The following LAT2 variants were observed in gnomAD, a reference collection of about 807,000 sequenced individuals.
LAT2 encodes the protein linker for activation of T-cells family member 2.
LAT2 carries 23 observed loss-of-function variants against 43.4 expected under a neutral mutation model. The observed-to-expected ratio is 0.53, with a 90% CI of 0.38 to 0.75. LAT2 has a LOEUF of 0.75. Ranked by LOEUF, LAT2 falls within the 30% of genes least tolerant of loss-of-function variation. The pLI is 0.00. For synonymous variants in LAT2, 128 were observed against 123.2 expected (o/e 1.04, Z -0.26); for missense variants, 284 against 310.2 (o/e 0.92, Z 0.64).
chr7:74,214,330 AT>A, intron 1 of LAT2, among the ~76,000 whole-genome samples: 1 of 68,708 alleles, frequency 1.5e-5, no homozygotes, highest in Non-Finnish European at 2.6e-5. Context: ...AAATATATAT[AT>A]AAATATATAT....
In LAT2 at chr7:74,220,754, T is replaced by TCCC; in HGVS notation, c.332+24_332+26dup. 6.5e-7 allele frequency: 1 copy of TCCC among 1,528,826 alleles called. No homozygotes were observed. The allele number at this position is 1,528,826 out of a possible 1,614,324, so 94.7% of individuals were successfully genotyped here. ...CTACATGTGAGTGACCTTGATCCTG[T>TCCC]CCCCCCTGCCTCGCCTCTCCCCCTG... On this transcript the variant is annotated intron_variant, in intron 9 of 13. Coordinates refer to ENST00000460943, the MANE Select transcript of LAT2 (RefSeq NM_032464.3). The surrounding 1 kb of genome is among the most constrained non-coding windows in gnomAD (Gnocchi z 4.5).
At position 74,219,741 on chromosome 7, in the gene LAT2, C is replaced by T; in HGVS notation, c.135-3C>T. On this transcript the variant is annotated splice_polypyrimidine_tract_variant and splice_region_variant and intron_variant, in intron 4 of 13. Transcript: ENST00000460943. ...AGGCTCAGCACAGCCCATGCATTTC[C>T]AGGCGTGAGGACCAACAGAGCTTTA... is the stretch of plus-strand genomic sequence containing the variant. The T allele has an allele frequency of 2.5e-6, 4 of 1,614,118 alleles. No homozygotes were observed. The highest frequency in any genetic ancestry group is 3.4e-6 in the Non-Finnish European group (4 of 1,180,016).
At chr7:74,219,595 G>GC in intron 4 of LAT2, 149 bp from the exon 5 acceptor site, 1 of 944,064 alleles carries the variant, frequency 1.1e-6, no homozygotes, top group Admixed American at 1.7e-5. Context: ...TGAGAATGAG[G>GC]CCTGAAAGGG....
chr7:74,220,774 C>CAGCCGCAGACCTCCTCATTCTAA lies in LAT2; in HGVS notation c.332+40_332+41insAGCCGCAGACCTCCTCATTCTAA. ...TCCTGTCCCCCCTGCCTCGCCTCTC[C>CAGCCGCAGACCTCCTCATTCTAA]CCCTGCCCCACCTCTCCCCCTGCCC... On this transcript the variant is annotated intron_variant, in intron 9 of 13. Coordinates refer to ENST00000460943, the MANE Select transcript of LAT2 (RefSeq NM_032464.3). The surrounding 1 kb of genome is among the most constrained non-coding windows in gnomAD (Gnocchi z 4.5). 2 of 1,453,310 alleles carry CAGCCGCAGACCTCCTCATTCTAA rather than the reference C, an allele frequency of 1.4e-6. No individual in the cohort carries two copies. Among genetic ancestry groups the CAGCCGCAGACCTCCTCATTCTAA allele is most frequent in the Non-Finnish European group, 9.2e-7 (1 of 1,092,764 alleles). 90.0% of individuals were successfully genotyped at this position (1,453,310 alleles called of 1,614,324 possible). A position where few individuals can be genotyped will look rare whatever the true frequency, so the allele number is the denominator to read the frequency against.
Position 74,220,557 on chromosome 7 carries a change from A to G in LAT2, c.266-27A>G, listed in dbSNP as rs2023380. Reference sequence around the variant, plus strand: ...GGTGCAAAGCAGGGGCCAGGGGAGAAAGCAATTAGCTGGGTCTTTCTTCCA... The same window carrying G: ...GGTGCAAAGCAGGGGCCAGGGGAGAGAGCAATTAGCTGGGTCTTTCTTCCA... On this transcript the variant is annotated intron_variant, in intron 7 of 13. Transcript: ENST00000460943. The surrounding 1 kb of genome is among the most constrained non-coding windows in gnomAD (Gnocchi z 4.5). 6.5e-3 allele frequency: 10,557 copies of G among 1,613,766 alleles called. 543 individuals carry two copies. In the African/African-American group the frequency reaches 0.11, roughly 17 times the overall value.
At position 74,220,197 on chromosome 7, in the gene LAT2, C is replaced by T; in HGVS notation, c.228-20C>T. 1 of 1,598,444 alleles carries T rather than the reference C, an allele frequency of 6.3e-7. No individual in the cohort carries two copies. Among genetic ancestry groups the T allele is most frequent in the South Asian group, 1.1e-5 (1 of 88,714 alleles). On this transcript the variant is annotated intron_variant, in intron 6 of 13. Coordinates refer to ENST00000460943, the MANE Select transcript of LAT2 (RefSeq NM_032464.3). The surrounding 1 kb of genome is among the most constrained non-coding windows in gnomAD (Gnocchi z 4.5). Reference sequence around the variant, plus strand: ...CCCCTACAGCCCCTCCTTTAACTCCCTCCTTCCCCCTCCCTGCAGGAAGGA... The same window carrying T: ...CCCCTACAGCCCCTCCTTTAACTCCTTCCTTCCCCCTCCCTGCAGGAAGGA...
Position 74,224,176 on chromosome 7 carries a change from C to T in LAT2, c.607C>T (p.Arg203Cys), listed in dbSNP as rs1554715731. 13 of 1,613,770 alleles carry T rather than the reference C, an allele frequency of 8.1e-6. No individual in the cohort carries two copies. Among genetic ancestry groups the T allele is most frequent in the East Asian group, 2.2e-5 (1 of 44,876 alleles). The stretch of plus-strand genomic sequence containing the variant: ...GAACTCAGCATCCATCCATCAGTGG[C>T]GCGAGTCCAGGAAGGTCATGGGTAG... ...YQNSASIHQW[R>C]ESRKVMGQLQ... The change falls in exon 12 of 14, where the codon CGC becomes TGC. Residue 203 changes from arginine (R) to cysteine (C), a missense_variant. By Grantham distance (180) the Arg-to-Cys change is radical (BLOSUM62 -3). Transcript: ENST00000460943.
chr7:74,211,597 A>G (rs919294739), intron 1 of LAT2, among the ~76,000 whole-genome samples: 25 of 152,018 alleles, frequency 1.6e-4, no homozygotes, highest in Non-Finnish European at 3.2e-4. Context: ...AGCTGAGACT[A>G]GAGGCGCCTG....
In LAT2 at chr7:74,220,282, C is replaced by G. The variant is rs892931132; in HGVS notation, c.265+28C>G. The stretch of plus-strand genomic sequence containing the variant: ...GAGTGGCACAGGGCAGGGACAGGGA[C>G]AGGCCTAGCCAAGCTGGGACTAAGA... On this transcript the variant is annotated intron_variant, in intron 7 of 13. Coordinates refer to ENST00000460943, the MANE Select transcript of LAT2 (RefSeq NM_032464.3). This position sits in a 1 kb window ranked among gnomAD's most constrained non-coding sequence, Gnocchi z 4.5. 1.9e-6 allele frequency: 3 copies of G among 1,601,532 alleles called. No homozygotes were observed. The East Asian group carries it at 6.7e-5, about 36-fold the overall frequency.
At position 74,220,843 on chromosome 7, in the gene LAT2, C is replaced by T. The variant is rs1802245706; in HGVS notation, c.332+109C>T. The stretch of plus-strand genomic sequence containing the variant: ...ACCTGCCTGCCACAGCCCTGGGCTT[C>T]CTGGTCCAGGAACCACCTCTTGCAC... On this transcript the variant is annotated intron_variant, in intron 9 of 13. Coordinates refer to ENST00000460943, the MANE Select transcript of LAT2 (RefSeq NM_032464.3). The surrounding 1 kb of genome is among the most constrained non-coding windows in gnomAD (Gnocchi z 4.5). 2.1e-6 allele frequency: 2 copies of T among 961,002 alleles called. No individual in the cohort carries two copies. Among genetic ancestry groups the T allele is most frequent in the Non-Finnish European group, 3.0e-6 (2 of 663,640 alleles). 59.5% of individuals were successfully genotyped at this position (961,002 alleles called of 1,614,324 possible).
chr7:74,219,520 C>T (rs2116147182), intron 4 of LAT2, among the ~76,000 whole-genome samples: 1 of 152,338 alleles, frequency 6.6e-6, no homozygotes, highest in South Asian at 2.1e-4. Flanking sequence ...AGCCCAGGGC[C>T]CTGTGTGAGG....
intron 1 of LAT2, among the ~76,000 whole-genome samples, chr7:74,212,009 T>C (rs1801751542): frequency 6.6e-6 from 1 of 152,184 alleles, no homozygotes; most frequent in African/African-American, 2.4e-5. Flanking sequence ...AGTGGTGTGA[T>C]CTTGGCTCAC....
chr7:74,225,000 G>T (rs980561716), intron 13 of LAT2: 9 of 364,404 alleles, frequency 2.5e-5, no homozygotes, highest in African/African-American at 4.3e-5. Flanking sequence ...CACCGGGTGG[G>T]TCTCCCAACT....
At chr7:74,221,752 C>T (rs999809436) in intron 10 of LAT2, 60 bp downstream of exon 10, 9 of 1,454,084 alleles carry the variant, frequency 6.2e-6, no homozygotes, top group Non-Finnish European at 7.7e-6. Flanking sequence ...GGGCAGAAGC[C>T]ATACCTCCAG....
chr7:74,216,809 T>C lies in LAT2; in HGVS notation c.95-16T>C. On this transcript the variant is annotated splice_polypyrimidine_tract_variant and intron_variant, in intron 3 of 13. Transcript: ENST00000460943. ...CTGCTCCCAGACCCTTTGCTAATCC[T>C]GGCCTTTTCTTGCAGGTGCAAAGAG... is the stretch of plus-strand genomic sequence containing the variant. 1 of 1,613,482 alleles carries C rather than the reference T, an allele frequency of 6.2e-7. No individual in the cohort carries two copies. The highest frequency in any genetic ancestry group is 8.5e-7 in the Non-Finnish European group (1 of 1,179,502).
intron 4 of LAT2, among the ~76,000 whole-genome samples, chr7:74,218,651 T>C (rs906002660): frequency 6.6e-6 from 1 of 152,210 alleles, no homozygotes; most frequent in Non-Finnish European, 1.5e-5. Flanking sequence ...GCTTAATCCA[T>C]GGCCACACTT....
At chr7:74,227,053 T>C (rs550617680) in intron 13 of LAT2, among the ~76,000 whole-genome samples, 124 of 137,142 alleles carry the variant, frequency 9.0e-4, no homozygotes, top group African/African-American at 3.3e-3. Context: ...AGGTTGTTTT[T>C]TCTTTTTTTT....
At position 74,224,771 on chromosome 7, in the gene LAT2, T is replaced by C. The variant is rs1802424934; in HGVS notation, c.*18+11T>C. 4 of 1,512,428 alleles carry C rather than the reference T, an allele frequency of 2.6e-6. No individual in the cohort carries two copies. The East Asian group carries it at 7.2e-5, about 27-fold the overall frequency. The allele number at this position is 1,512,428 out of a possible 1,614,324, so 93.7% of individuals were successfully genotyped here. On this transcript the variant is annotated intron_variant, in intron 13 of 13. Transcript: ENST00000460943. ...AGACCAAGAAGAAAGGTACAGCCCC[T>C]GCTCTCCAGCTGCCGTGGGCCAAGG...
At chr7:74,219,721 C>G in intron 4 of LAT2, 23 bp from the exon 5 acceptor site, 1 of 1,614,058 alleles carries the variant, frequency 6.2e-7, no homozygotes, top group Non-Finnish European at 8.5e-7. Flanking sequence ...GGCCCAGGCT[C>G]AGCACAGCCC....
Sources: allele counts gnomAD v4.1 joint callset (sites outside exome capture counted in the v4.1 genomes callset), GRCh38; gene constraint gnomAD v4.1.1; non-coding constraint Gnocchi (gnomAD v3.1); transcripts MANE v1.5; gene names NCBI Gene and HGNC (gene_info 2026-07-23, HGNC 2026-07-21).